The following CDH4 variants were observed in gnomAD, a reference collection of about 807,000 sequenced individuals.
The protein encoded by CDH4 is cadherin 4.
A neutral mutation model predicts 86.0 loss-of-function variants in CDH4; 33 were observed. That is an observed-to-expected ratio of 0.38 (90% CI 0.29 to 0.51). The LOEUF is 0.51. Among genes scored for constraint, CDH4 ranks in the 20% least tolerant of loss-of-function variants. The pLI is 0.86. For synonymous variants in CDH4, 555 were observed against 549.4 expected, an observed-to-expected ratio of 1.01 and a Z score of -0.14; for missense variants, 1,114 against 1,307.4, an observed-to-expected ratio of 0.85 and a Z score of 2.28.
chr20:61,264,717 A>G (rs2084147256), intron 2 of CDH4, among the ~76,000 whole-genome samples: 1 of 147,966 alleles, frequency 6.8e-6, no homozygotes, highest in Non-Finnish European at 1.5e-5. Flanking sequence ...TCAGTCCTAC[A>G]CATACCCCAG....
At chr20:61,726,877 A>C (rs1276204002) in intron 2 of CDH4, among the ~76,000 whole-genome samples, 1 of 151,922 alleles carries the variant, frequency 6.6e-6, no homozygotes. Flanking sequence ...CATCGGAGGC[A>C]TCACCATTGG....
intron 2 of CDH4, among the ~76,000 whole-genome samples, chr20:61,398,100 G>C (rs1428433818): frequency 6.6e-6 from 1 of 152,178 alleles, no homozygotes; most frequent in Non-Finnish European, 1.5e-5. Flanking sequence ...TTCATTTGCA[G>C]ACAGAGACTT....
At chr20:61,725,687 C>T (rs888392284) in intron 2 of CDH4, among the ~76,000 whole-genome samples, 2 of 152,026 alleles carry the variant, frequency 1.3e-5, no homozygotes, top group African/African-American at 4.8e-5. Flanking sequence ...CAAGAGTCGC[C>T]CCTACCTCCA....
rs572963259 is a variant in CDH4 at position 61,480,250 on chromosome 20, G to A, written c.169+225313G>A. Reference sequence around the variant, plus strand: ...AGGAGGACCCCAGGCTCCCCCTCTCGTGGTAGCCTGGAAACTCCCCAAGCG... The same window carrying A: ...AGGAGGACCCCAGGCTCCCCCTCTCATGGTAGCCTGGAAACTCCCCAAGCG... On this transcript the variant is annotated intron_variant, in intron 2 of 15. Coordinates refer to ENST00000614565, the MANE Select transcript of CDH4 (RefSeq NM_001794.5). This position sits in a 1 kb window ranked among gnomAD's most constrained non-coding sequence, Gnocchi z 5.2. Among the ~76,000 whole-genome samples the A allele has an allele frequency of 1.2e-4, 19 of 152,046 alleles. No individual in the cohort carries two copies. In the South Asian group the frequency reaches 3.1e-3, roughly 25 times the overall value.
chr20:61,910,384 A>C (rs986584668), intron 8 of CDH4, 38 bp from the exon 9 acceptor site: 2 of 1,592,178 alleles, frequency 1.3e-6, no homozygotes, highest in Non-Finnish European at 8.6e-7. Flanking sequence ...ATTTACACTT[A>C]ACACGGGTTT....
At chr20:61,686,967 C>G (rs964331243) in intron 2 of CDH4, among the ~76,000 whole-genome samples, 7 of 151,874 alleles carry the variant, frequency 4.6e-5, no homozygotes, top group African/African-American at 1.5e-4. Flanking sequence ...ACTCTGCTCC[C>G]CCGACTAGCA....
chr20:61,706,927 G>A (rs73915363), intron 2 of CDH4, among the ~76,000 whole-genome samples: 1,680 of 152,342 alleles, frequency 0.011, 34 homozygotes, highest in African/African-American at 0.037. Context: ...TCTGTGGCAC[G>A]TGGTGGGGGC....
intron 2 of CDH4, among the ~76,000 whole-genome samples, chr20:61,396,240 G>A (rs1192419530): frequency 1.3e-5 from 2 of 152,126 alleles, no homozygotes; most frequent in African/African-American, 4.8e-5. Flanking sequence ...GGGGTGGAGG[G>A]TGAGGGCCAC....
intron 2 of CDH4, among the ~76,000 whole-genome samples, chr20:61,616,273 C>G (rs973907595): frequency 1.3e-5 from 2 of 152,222 alleles, no homozygotes; most frequent in African/African-American, 4.8e-5. Context: ...TGCCTTCCCT[C>G]GGGGAATCAG....
chr20:61,707,141 G>A (rs1265735305), intron 2 of CDH4, among the ~76,000 whole-genome samples: 2 of 152,258 alleles, frequency 1.3e-5, no homozygotes, highest in African/African-American at 4.8e-5. Context: ...CAGAGTGCCG[G>A]GGTCCCCATG....
intron 2 of CDH4, among the ~76,000 whole-genome samples, chr20:61,485,923 GC>G (rs1167020463): frequency 5.9e-5 from 9 of 152,180 alleles, no homozygotes; most frequent in Middle Eastern, 3.2e-3. Context: ...CCCAACACAC[GC>G]ACCCACTAAT....
At chr20:61,537,054 G>A (rs2086002581) in intron 2 of CDH4, among the ~76,000 whole-genome samples, 1 of 152,226 alleles carries the variant, frequency 6.6e-6, no homozygotes, top group Non-Finnish European at 1.5e-5. Context: ...TGGAGACTCA[G>A]TGTCCCCTCC....
chr20:61,695,738 C>A (rs1354102767), intron 2 of CDH4, among the ~76,000 whole-genome samples: 1 of 152,198 alleles, frequency 6.6e-6, no homozygotes, highest in Non-Finnish European at 1.5e-5. Context: ...AATGGTGAGC[C>A]CTGGCATCTC....
chr20:61,339,616 A>C (rs2084639169), intron 2 of CDH4, among the ~76,000 whole-genome samples: 1 of 152,192 alleles, frequency 6.6e-6, no homozygotes, highest in African/African-American at 2.4e-5. Flanking sequence ...TTGAGTCCAG[A>C]TAAAAATCAG....
intron 3 of CDH4, among the ~76,000 whole-genome samples, chr20:61,755,792 C>T (rs1173505878): frequency 6.6e-6 from 1 of 152,186 alleles, no homozygotes; most frequent in Non-Finnish European, 1.5e-5. Flanking sequence ...CACACACACA[C>T]ACCACACATT....
At chr20:61,779,185 C>T (rs1048359705) in intron 4 of CDH4, among the ~76,000 whole-genome samples, 3 of 152,200 alleles carry the variant, frequency 2.0e-5, no homozygotes, top group Admixed American at 6.5e-5. Flanking sequence ...AATACCAATG[C>T]ACAATATGTT....
rs771787403 is a variant in CDH4 at position 61,421,986 on chromosome 20, C to T, written c.169+167049C>T. Among the ~76,000 whole-genome samples, 147 of 152,254 alleles carry T rather than the reference C, an allele frequency of 9.7e-4. 4 individuals carry two copies. Among genetic ancestry groups the T allele is most frequent in the Middle Eastern group, 3.4e-3 (1 of 294 alleles). On this transcript the variant is annotated intron_variant, in intron 2 of 15. Transcript: ENST00000614565. The stretch of plus-strand genomic sequence containing the variant: ...GGGCTGACACACATTCCTCACAGGC[C>T]GCGGCTATCACCAGCCACAGTCAGA...
Position 61,690,643 on chromosome 20 carries a change from G to A in CDH4, c.170-52920G>A, listed in dbSNP as rs200678945. ...CGTTGGACCTGAGCTTTGGAGGACGGGGGGAGTTTCTCCAGGTGGACCTGG... is the reference window on the plus strand; with the variant it reads ...CGTTGGACCTGAGCTTTGGAGGACGAGGGGAGTTTCTCCAGGTGGACCTGG... On this transcript the variant is annotated intron_variant, in intron 2 of 15. Transcript: ENST00000614565. Among the ~76,000 whole-genome samples the A allele has an allele frequency of 1.3e-4, 20 of 152,196 alleles. No homozygotes were observed. In the South Asian group the frequency reaches 3.1e-3, roughly 24 times the overall value.
At chr20:61,580,822 CTG>C (rs2086422424) in intron 2 of CDH4, among the ~76,000 whole-genome samples, 1 of 152,340 alleles carries the variant, frequency 6.6e-6, no homozygotes, top group East Asian at 1.9e-4. Context: ...CCAGTCCCAA[CTG>C]TGTTCACGTG....
Sources: allele counts gnomAD v4.1 joint callset (sites outside exome capture counted in the v4.1 genomes callset), GRCh38; gene constraint gnomAD v4.1.1; non-coding constraint Gnocchi (gnomAD v3.1); transcripts MANE v1.5; gene names NCBI Gene and HGNC (gene_info 2026-07-23, HGNC 2026-07-21).